HNF1B: variants seen among roughly 807,000 people sequenced by gnomAD.
The protein encoded by HNF1B is HNF1 homeobox B.
HNF1B carries 8 observed loss-of-function variants against 61.7 expected under a neutral mutation model. The observed-to-expected ratio is 0.13, with a 90% CI of 0.08 to 0.23. HNF1B has a LOEUF of 0.23. Ranked by LOEUF, HNF1B falls within the 10% of genes least tolerant of loss-of-function variation. The pLI, the probability that HNF1B is intolerant of heterozygous loss-of-function variation, is 1.00. For synonymous variants in HNF1B, 314 were observed against 287.7 expected (o/e 1.09, Z -0.93); for missense variants, 562 against 714.5 (o/e 0.79, Z 2.43).
chr17:37,699,216 A>G, intron 7 of HNF1B, 22 bp from the exon 8 acceptor site: 1 of 1,582,922 alleles, frequency 6.3e-7, no homozygotes, highest in African/African-American at 1.3e-5. Flanking sequence ...GAGTGAAGAC[A>G]GAATCAAGGT....
chr17:37,728,674 T>C (rs1173059345), intron 4 of HNF1B: 4 of 151,274 alleles, frequency 2.6e-5, no homozygotes, highest in Non-Finnish European at 5.9e-5. Flanking sequence ...GACCCTACCT[T>C]GGCTGTGGGC....
At chr17:37,710,747 G>A (rs1390224446) in intron 4 of HNF1B, 84 bp from the exon 5 acceptor site, 1 of 1,391,724 alleles carries the variant, frequency 7.2e-7, no homozygotes, top group African/African-American at 1.4e-5. Context: ...GTTTTCAAGG[G>A]TGGGTAATAA....
At chr17:37,721,824 G>A (rs958998240) in intron 4 of HNF1B, among the ~76,000 whole-genome samples, 16 of 151,520 alleles carry the variant, frequency 1.1e-4, no homozygotes, top group African/African-American at 3.2e-4. Flanking sequence ...GTGTTTTATA[G>A]AAGGAGACAA....
chr17:37,721,222 T>C (rs942107178), intron 4 of HNF1B, among the ~76,000 whole-genome samples: 7 of 152,170 alleles, frequency 4.6e-5, no homozygotes, highest in African/African-American at 7.2e-5. Flanking sequence ...TTATTGTGAC[T>C]GGCCCCACCC....
chr17:37,734,197 G>T (rs949695767), intron 2 of HNF1B, among the ~76,000 whole-genome samples: 1 of 152,134 alleles, frequency 6.6e-6, no homozygotes, highest in African/African-American at 2.4e-5. Flanking sequence ...CACATCCAGG[G>T]GAGAACTGCT....
chr17:37,733,781 G>A lies in HNF1B; in HGVS notation c.585C>T (p.Asp195=), dbSNP rs761614240. The A allele has an allele frequency of 1.2e-6, 2 of 1,614,214 alleles. No homozygotes were observed. Among genetic ancestry groups the A allele is most frequent in the Non-Finnish European group, 1.7e-6 (2 of 1,180,030 alleles). ...QTVQSSGNMT[D]KSSQDQLLFL... is the part of the protein sequence containing the mutation. ...ACAGCAGCTGATCCTGACTGCTTTT[G>A]TCTGTCATATTTCCAGAACTCTGGA... The change falls in exon 3 of 9, where the codon GAC becomes GAT. Residue 195 remains aspartate, a synonymous_variant. Transcript: ENST00000617811.
rs1286150427 is a variant in HNF1B at position 37,737,579 on chromosome 17, G to A, written c.544+1861C>T. On this transcript the variant is annotated intron_variant, in intron 2 of 8. Transcript: ENST00000617811. ...GCGGTGGCTCACCCCTGTAATCCCAGCACTTTGGGAGGCTGAGGCGGCGGA... is the reference window on the plus strand; with the variant it reads ...GCGGTGGCTCACCCCTGTAATCCCAACACTTTGGGAGGCTGAGGCGGCGGA... Among the ~76,000 whole-genome samples, 4 of 152,000 alleles carry A rather than the reference G, an allele frequency of 2.6e-5. No homozygotes were observed. In the East Asian group the frequency reaches 7.7e-4, roughly 29 times the overall value.
chr17:37,738,314 T>C (rs2033894303), intron 2 of HNF1B, among the ~76,000 whole-genome samples: 1 of 152,150 alleles, frequency 6.6e-6, no homozygotes, highest in South Asian at 2.1e-4. Context: ...AACACCACAA[T>C]ATGAAATGAA....
chr17:37,714,099 C>T (rs2033025734), intron 4 of HNF1B, among the ~76,000 whole-genome samples: 1 of 152,168 alleles, frequency 6.6e-6, no homozygotes, highest in Non-Finnish European at 1.5e-5. Flanking sequence ...ACTTAACCTC[C>T]CTGAGCTTCA....
intron 6 of HNF1B, 126 bp downstream of exon 6, chr17:37,704,791 G>T: frequency 9.0e-7 from 1 of 1,105,556 alleles, no homozygotes. Context: ...AACTAAAGAA[G>T]TTAAACCAAA....
In HNF1B at chr17:37,744,909, G is replaced by GGT; in HGVS notation, c.-27_-26dup. ...TTTTCCAAGGACGGAAAAAGAAGGG[G>GGT]GTGAGGGGGTGGGTGGGTGCGAGAG... On this transcript the variant is annotated 5_prime_UTR_variant, in exon 1 of 9. Coordinates refer to ENST00000617811, the MANE Select transcript of HNF1B (RefSeq NM_000458.4). 1 of 1,528,386 alleles carries GGT rather than the reference G, an allele frequency of 6.5e-7. No homozygotes were observed. Among genetic ancestry groups the GGT allele is most frequent in the Non-Finnish European group, 9.1e-7 (1 of 1,104,582 alleles). 94.7% of individuals were successfully genotyped at this position (1,528,386 alleles called of 1,614,324 possible).
chr17:37,719,325 T>C (rs2033230357), intron 4 of HNF1B, among the ~76,000 whole-genome samples: 1 of 152,006 alleles, frequency 6.6e-6, no homozygotes, highest in African/African-American at 2.4e-5. Context: ...ACAATCAAAA[T>C]TGAAGAAACA....
intron 4 of HNF1B, among the ~76,000 whole-genome samples, chr17:37,715,860 G>C (rs3110651): frequency 0.11 from 17,225 of 152,178 alleles, 1,259 homozygotes; most frequent in Non-Finnish European, 0.16. Context: ...GGCCGGGCAC[G>C]GTGGCTCATG....
In HNF1B at chr17:37,744,923, T is replaced by TGGGGGGGGGGGGG; in HGVS notation, c.-40_-39insCCCCCCCCCCCCC. Reference sequence around the variant, plus strand: ...AAAAAGAAGGGGGTGAGGGGGTGGGTGGGTGCGAGAGAGGAGGGTGGAGGG... The same window carrying TGGGGGGGGGGGGG: ...AAAAAGAAGGGGGTGAGGGGGTGGGTGGGGGGGGGGGGGGGGTGCGAGAGAGGAGGGTGGAGGG... On this transcript the variant is annotated 5_prime_UTR_variant, in exon 1 of 9. Coordinates refer to ENST00000617811, the MANE Select transcript of HNF1B (RefSeq NM_000458.4). The TGGGGGGGGGGGGG allele has an allele frequency of 2.8e-6, 1 of 357,104 alleles. No individual in the cohort carries two copies. 22.1% of individuals were successfully genotyped at this position (357,104 alleles called of 1,614,324 possible).
chr17:37,739,213 G>A (rs1253548640), intron 2 of HNF1B, among the ~76,000 whole-genome samples: 2 of 152,172 alleles, frequency 1.3e-5, no homozygotes, highest in Non-Finnish European at 2.9e-5. Flanking sequence ...TACACTGACA[G>A]GCTCCTCAGA....
At chr17:37,737,813 T>C (rs951205411) in intron 2 of HNF1B, among the ~76,000 whole-genome samples, 7 of 152,060 alleles carry the variant, frequency 4.6e-5, no homozygotes, top group Non-Finnish European at 5.9e-5. Context: ...CCAGTCTGGG[T>C]GGCAGAGCGA....
At chr17:37,733,465 A>G (rs868096017) in intron 3 of HNF1B, 92 bp downstream of exon 3, 1 of 1,406,750 alleles carries the variant, frequency 7.1e-7, no homozygotes, top group African/African-American at 1.4e-5. Flanking sequence ...ACTTATCTGT[A>G]TAACTAGTGT....
chr17:37,716,452 GCC>G (rs2033114544), intron 4 of HNF1B, among the ~76,000 whole-genome samples: 1 of 152,164 alleles, frequency 6.6e-6, no homozygotes, highest in African/African-American at 2.4e-5. Flanking sequence ...GCCCGCCTCA[GCC>G]TCCCAAAGTG....
chr17:37,695,371 A>G (rs562599649), intron 8 of HNF1B, among the ~76,000 whole-genome samples: 2 of 152,376 alleles, frequency 1.3e-5, no homozygotes, highest in South Asian at 4.1e-4. Context: ...AGGCTTTATC[A>G]GAAAGCCTGG....
Sources: allele counts gnomAD v4.1 joint callset (sites outside exome capture counted in the v4.1 genomes callset), GRCh38; gene constraint gnomAD v4.1.1; transcripts MANE v1.5; gene names NCBI Gene and HGNC (gene_info 2026-07-23, HGNC 2026-07-21).